The following CA10 variants were observed in gnomAD, a reference collection of about 807,000 sequenced individuals.
CA10 encodes carbonic anhydrase 10 (inactive).
A neutral mutation model predicts 44.2 loss-of-function variants in CA10; 14 were observed. The ratio of observed to expected loss-of-function variants is 0.32; its 90% CI spans 0.21 to 0.50. The LOEUF is 0.50. Ranked by LOEUF, CA10 falls within the 20% of genes least tolerant of loss-of-function variation. CA10 has a pLI of 0.99. For synonymous variants in CA10, 159 were observed against 141.6 expected (o/e 1.12, Z -0.87); for missense variants, 350 against 409.7 (o/e 0.85, Z 1.26).
intron 2 of CA10, among the ~76,000 whole-genome samples, chr17:51,976,874 G>T (rs532538640): frequency 6.6e-6 from 1 of 151,914 alleles, no homozygotes; most frequent in Non-Finnish European, 1.5e-5. Context: ...AGTATCAGAA[G>T]CAAAAGAAGG....
intron 3 of CA10, among the ~76,000 whole-genome samples, chr17:51,859,840 T>A (rs1312693415): frequency 1.3e-5 from 2 of 152,170 alleles, no homozygotes; most frequent in African/African-American, 4.8e-5. Context: ...GATCAGTTGC[T>A]TATATTAAGA....
chr17:51,643,076 T>C (rs1262807686), intron 6 of CA10, among the ~76,000 whole-genome samples: 1 of 152,222 alleles, frequency 6.6e-6, no homozygotes, highest in Admixed American at 6.5e-5. Flanking sequence ...GAAAGTGTTT[T>C]ATATGCAGTG....
chr17:51,857,508 A>AC (rs1399211517), intron 3 of CA10, among the ~76,000 whole-genome samples: 1 of 152,158 alleles, frequency 6.6e-6, no homozygotes, highest in East Asian at 1.9e-4. Context: ...AATCCTAAGC[A>AC]CCATACCATG....
At chr17:51,879,741 A>G (rs1481783139) in intron 3 of CA10, among the ~76,000 whole-genome samples, 1 of 152,238 alleles carries the variant, frequency 6.6e-6, no homozygotes, top group Non-Finnish European at 1.5e-5. Context: ...AACTGTGAGC[A>G]TGAGGAGCAG....
At chr17:51,909,626 T>C (rs529142304) in intron 3 of CA10, among the ~76,000 whole-genome samples, 1 of 152,138 alleles carries the variant, frequency 6.6e-6, no homozygotes, top group South Asian at 2.1e-4. Context: ...AAAGACCCCA[T>C]TTCAGGGAAT....
rs556130338 is a variant in CA10, at chr17:51,637,731, AG to A, written c.635-1723del. ...ACTGACAAGAAACTAAAGATCAGGGAGGCAAAGTGGGCTGCCCAAGGTCACA... is the reference window on the plus strand; with the variant it reads ...ACTGACAAGAAACTAAAGATCAGGGAGCAAAGTGGGCTGCCCAAGGTCACA... On this transcript the variant is annotated intron_variant, in intron 6 of 8. Coordinates refer to ENST00000451037, the MANE Select transcript of CA10 (RefSeq NM_020178.5). Among the ~76,000 whole-genome samples, 18 of 152,344 alleles carry A rather than the reference AG, an allele frequency of 1.2e-4. No homozygotes were observed. The East Asian group carries it at 3.5e-3, about 29-fold the overall frequency.
intron 3 of CA10, among the ~76,000 whole-genome samples, chr17:51,854,308 A>T (rs1978939198): frequency 6.6e-6 from 1 of 152,220 alleles, no homozygotes; most frequent in Non-Finnish European, 1.5e-5. Context: ...CAGTGAGGTC[A>T]GGCAGTCTTT....
chr17:51,927,089 A>G (rs1341625048), intron 3 of CA10, among the ~76,000 whole-genome samples: 1 of 152,176 alleles, frequency 6.6e-6, no homozygotes. Flanking sequence ...TACTTAACAT[A>G]TGATAAGGAT....
In CA10 at chr17:51,630,577, G is replaced by A. The variant is rs1417989870; in HGVS notation, c.*1007C>T. 1 of 152,634 alleles carries A rather than the reference G, an allele frequency of 6.6e-6. No homozygotes were observed. The highest frequency in any genetic ancestry group is 1.5e-5 in the Non-Finnish European group (1 of 68,040). 9.5% of individuals were successfully genotyped at this position (152,634 alleles called of 1,614,324 possible). A position where few individuals can be genotyped will look rare whatever the true frequency, so the allele number is the denominator to read the frequency against. On this transcript the variant is annotated 3_prime_UTR_variant, in exon 9 of 9. Transcript: ENST00000451037. ...AGGCTGAAGCTCACCTCATGTGAAT[G>A]ATTGAGCCATGGAGTGGAATTAAAG...
intron 1 of CA10, among the ~76,000 whole-genome samples, chr17:52,147,799 G>A (rs1022480183): frequency 2.6e-5 from 4 of 152,106 alleles, no homozygotes; most frequent in African/African-American, 7.2e-5. Flanking sequence ...GATACTCACC[G>A]ATGTCTCACT....
chr17:51,690,885 T>C (rs1173291541), intron 4 of CA10, among the ~76,000 whole-genome samples: 1 of 151,774 alleles, frequency 6.6e-6, no homozygotes, highest in Non-Finnish European at 1.5e-5. Context: ...TTCATCTAGG[T>C]TGTCTCAAAT....
intron 3 of CA10, among the ~76,000 whole-genome samples, chr17:51,771,493 A>G (rs895707013): frequency 2.0e-5 from 3 of 152,142 alleles, no homozygotes; most frequent in Non-Finnish European, 4.4e-5. Context: ...GAGTTTTCCC[A>G]TGCCACACCC....
chr17:52,073,832 G>C (rs1463300550), intron 1 of CA10, among the ~76,000 whole-genome samples: 7 of 152,150 alleles, frequency 4.6e-5, no homozygotes, highest in Admixed American at 4.6e-4. Flanking sequence ...GAAAGGTTCT[G>C]TCCAACCAGG....
chr17:51,916,944 T>A (rs768380057), intron 3 of CA10, among the ~76,000 whole-genome samples: 1 of 152,164 alleles, frequency 6.6e-6, no homozygotes, highest in Non-Finnish European at 1.5e-5. Flanking sequence ...TGAGGCTTTC[T>A]TTCCAACACC....
At chr17:51,847,738 C>A (rs921088211) in intron 3 of CA10, among the ~76,000 whole-genome samples, 1 of 152,096 alleles carries the variant, frequency 6.6e-6, no homozygotes, top group African/African-American at 2.4e-5. Flanking sequence ...TTGGAGGCAG[C>A]CTTCCATGGG....
chr17:51,885,014 G>A (rs1007334058), intron 3 of CA10, among the ~76,000 whole-genome samples: 2 of 152,222 alleles, frequency 1.3e-5, no homozygotes, highest in Non-Finnish European at 2.9e-5. Flanking sequence ...ATCTTAGTTC[G>A]ACTGTATCTG....
rs375009687 is a variant in CA10, at chr17:51,774,146, C to T, written c.280-26328G>A. Among the ~76,000 whole-genome samples the T allele has an allele frequency of 6.6e-5, 10 of 152,274 alleles. No individual in the cohort carries two copies. In the East Asian group the frequency reaches 7.7e-4, roughly 12 times the overall value. ...CATTCTCCAAAGTCATGAATAATCA[C>T]GTTGTCATGCCTGTGTGACTTAAAA... On this transcript the variant is annotated intron_variant, in intron 3 of 8. Transcript: ENST00000451037.
At chr17:51,930,876 T>C in intron 3 of CA10, 114 bp downstream of exon 3, 1 of 1,220,902 alleles carries the variant, frequency 8.2e-7, no homozygotes, top group Non-Finnish European at 1.2e-6. Context: ...AAGTCTGTGG[T>C]ATTCCTAGGT....
At chr17:52,046,515 G>A (rs577464594) in intron 2 of CA10, among the ~76,000 whole-genome samples, 2 of 151,744 alleles carry the variant, frequency 1.3e-5, no homozygotes, top group Non-Finnish European at 2.9e-5. Context: ...AAAGCTTACT[G>A]TAGAAGAAAT....
Sources: allele counts gnomAD v4.1 joint callset (sites outside exome capture counted in the v4.1 genomes callset), GRCh38; gene constraint gnomAD v4.1.1; transcripts MANE v1.5; gene names NCBI Gene and HGNC (gene_info 2026-07-23, HGNC 2026-07-21).